Variants in DDX60L observed in about 807,000 individuals in gnomAD.
The protein encoded by DDX60L is probable ATP-dependent RNA helicase DDX60-like.
In DDX60L, 191 loss-of-function variants were observed where a neutral mutation model predicts 211.6. The observed-to-expected ratio is 0.90, with a 90% CI of 0.80 to 1.02. The LOEUF is 1.02. Ranked by LOEUF, DDX60L falls within the 50% of genes least tolerant of loss-of-function variation. The probability of loss-of-function intolerance (pLI) is 0.00; values close to 1 mark genes in which losing one functional copy is unlikely to be tolerated. For missense variants in DDX60L, 2,007 were observed against 1,984.1 expected (o/e 1.01, Z -0.22); for synonymous variants, 706 against 694.1 (o/e 1.02, Z -0.27).
intron 33 of DDX60L, chr4:168,377,847 TA>T (rs993788206): frequency 6.6e-6 from 1 of 152,146 alleles, no homozygotes; most frequent in African/African-American, 2.4e-5. Context: ...GTTGTGTCTT[TA>T]AAAAAATAAG....
chr4:168,448,927 A>G (rs1419634145), intron 8 of DDX60L, 148 bp from the exon 9 acceptor site: 9 of 705,254 alleles, frequency 1.3e-5, no homozygotes, highest in African/African-American at 3.6e-5. Context: ...ATGGTGATCT[A>G]TAAGTCCCCA....
intron 4 of DDX60L, among the ~76,000 whole-genome samples, chr4:168,463,701 A>G (rs1213312567): frequency 6.6e-6 from 1 of 152,194 alleles, no homozygotes; most frequent in Non-Finnish European, 1.5e-5. Context: ...CACTGCTTTC[A>G]CTTTTAATGG....
chr4:168,361,207 G>T lies in DDX60L; in HGVS notation c.4933C>A (p.Arg1645Ser). The T allele has an allele frequency of 1.3e-6, 2 of 1,575,530 alleles. No homozygotes were observed. Among genetic ancestry groups the T allele is most frequent in the Non-Finnish European group, 1.7e-6 (2 of 1,147,480 alleles). ...AAACACTTTAAAAGCTGTCCCATAC[G>T]CATCCTAAAGAGAACAACATTTCTT... ...LTRLDQKNGMRMGQLLKCLKD... is the reference protein window; with the variant it reads ...LTRLDQKNGMSMGQLLKCLKD... Residue 1645 changes from arginine (R) to serine (S), a missense_variant, in exon 37 of 38, where the codon CGT becomes AGT. Arg to Ser is a moderately radical substitution (Grantham distance 110, BLOSUM62 -1). Coordinates refer to ENST00000682922, the MANE Select transcript of DDX60L (RefSeq NM_001012967.3).
intron 9 of DDX60L, 53 bp from the exon 10 acceptor site, chr4:168,441,545 C>T (rs545773348): frequency 2.7e-5 from 37 of 1,383,410 alleles, no homozygotes; most frequent in Middle Eastern, 3.7e-4. Flanking sequence ...CATGCAGACA[C>T]ACACAGAGCA....
chr4:168,441,821 C>CA (rs1161271380), intron 9 of DDX60L, among the ~76,000 whole-genome samples: 1 of 151,858 alleles, frequency 6.6e-6, no homozygotes, highest in African/African-American at 2.4e-5. Flanking sequence ...CCTCCCTGCC[C>CA]AAAAAATTAA....
At chr4:168,468,504 T>A (rs1170048483) in intron 4 of DDX60L, among the ~76,000 whole-genome samples, 1 of 152,124 alleles carries the variant, frequency 6.6e-6, no homozygotes, top group East Asian at 1.9e-4. Context: ...AATTTGATAA[T>A]GGATATATGT....
intron 24 of DDX60L, 51 bp from the exon 25 acceptor site, chr4:168,404,157 ACAGAAG>A: frequency 1.7e-6 from 2 of 1,169,650 alleles, no homozygotes; most frequent in Non-Finnish European, 2.3e-6. Flanking sequence ...ATTTGTGGAA[ACAGAAG>A]AAAGAAAGGA....
intron 30 of DDX60L, among the ~76,000 whole-genome samples, chr4:168,383,458 TG>T (rs1272760850): frequency 6.6e-6 from 1 of 152,182 alleles, no homozygotes; most frequent in African/African-American, 2.4e-5. Context: ...GGACAAGAAG[TG>T]GGCTGATACA....
intron 1 of DDX60L, among the ~76,000 whole-genome samples, chr4:168,477,413 TAAA>T (rs773326024): frequency 7.2e-6 from 1 of 139,404 alleles, no homozygotes. Flanking sequence ...AGACTCTGTC[TAAA>T]AAAAAAAAAA....
chr4:168,379,408 G>C lies in DDX60L; in HGVS notation c.4318C>G (p.Leu1440Val). 5 of 1,602,178 alleles carry C rather than the reference G, an allele frequency of 3.1e-6. No individual in the cohort carries two copies. Among genetic ancestry groups the C allele is most frequent in the Non-Finnish European group, 4.2e-6 (5 of 1,176,534 alleles). ...AGATTATGGAAAAGGCCTCTCTTGA[G>C]AAAATTTACAAAAACAAGATTTGAA... ...EPSNLVFVNF[L>V]KRGLFHNLCK... The change falls in exon 32 of 38, where the codon CTC (leucine) becomes GTC (valine). Residue 1440 changes from leucine (L) to valine (V), a missense_variant. By Grantham distance (32) the Leu-to-Val change is conservative (BLOSUM62 1). Transcript: ENST00000682922.
chr4:168,453,801 G>A (rs1756141311), intron 7 of DDX60L, among the ~76,000 whole-genome samples: 2 of 152,102 alleles, frequency 1.3e-5, no homozygotes, highest in Admixed American at 1.3e-4. Flanking sequence ...CTTAATCTGG[G>A]TATCTTCATA....
intron 5 of DDX60L, among the ~76,000 whole-genome samples, chr4:168,460,088 T>C (rs922244224): frequency 2.0e-5 from 3 of 152,174 alleles, no homozygotes; most frequent in African/African-American, 7.2e-5. Context: ...AGAGATCTGC[T>C]ATAAAAAGTA....
At chr4:168,463,907 T>C (rs891933414) in intron 4 of DDX60L, among the ~76,000 whole-genome samples, 1 of 152,232 alleles carries the variant, frequency 6.6e-6, no homozygotes, top group Non-Finnish European at 1.5e-5. Flanking sequence ...AAAACCATAG[T>C]ATAATACACT....
chr4:168,391,692 T>C (rs755289054), intron 28 of DDX60L, 48 bp from the exon 29 acceptor site: 72 of 1,011,912 alleles, frequency 7.1e-5, no homozygotes, highest in Non-Finnish European at 1.0e-4. Context: ...AGCATATCTA[T>C]AAGGACACAA....
At chr4:168,427,390 A>ATTATTT in intron 13 of DDX60L, 68 bp from the exon 14 acceptor site, 1 of 1,532,186 alleles carries the variant, frequency 6.5e-7, no homozygotes, top group Non-Finnish European at 8.8e-7. Flanking sequence ...CACTAGTGAG[A>ATTATTT]TTATTTTTTG....
chr4:168,470,042 T>A (rs185496545), intron 4 of DDX60L: 1 of 152,212 alleles, frequency 6.6e-6, no homozygotes. Flanking sequence ...TCACAAGTCA[T>A]AGTATACAAA....
At chr4:168,439,863 T>C (rs1037034573) in intron 10 of DDX60L, among the ~76,000 whole-genome samples, 1 of 152,134 alleles carries the variant, frequency 6.6e-6, no homozygotes, top group African/African-American at 2.4e-5. Flanking sequence ...AACCCCTCTC[T>C]CACACCATAC....
At chr4:168,396,599 G>A (rs965192183) in intron 26 of DDX60L, among the ~76,000 whole-genome samples, 1 of 151,944 alleles carries the variant, frequency 6.6e-6, no homozygotes, top group South Asian at 2.1e-4. Context: ...CTAGGCCTAA[G>A]AGAAAAATTG....
At chr4:168,367,833 G>A (rs1461438503) in intron 36 of DDX60L, among the ~76,000 whole-genome samples, 1 of 152,188 alleles carries the variant, frequency 6.6e-6, no homozygotes, top group Non-Finnish European at 1.5e-5. Flanking sequence ...AAAGAGACTG[G>A]CAGCATTTTG....
Sources: allele counts gnomAD v4.1 joint callset (sites outside exome capture counted in the v4.1 genomes callset), GRCh38; gene constraint gnomAD v4.1.1; transcripts MANE v1.5; gene names NCBI Gene and HGNC (gene_info 2026-07-23, HGNC 2026-07-21).